CALCR: variants seen among roughly 807,000 people sequenced by gnomAD.
CALCR encodes the protein calcitonin receptor.
CALCR carries 47 observed loss-of-function variants against 59.5 expected under a neutral mutation model. That is an observed-to-expected ratio of 0.79 (90% CI 0.63 to 1.01). The LOEUF (loss-of-function observed/expected upper bound fraction) is 1.01, where lower values mean the gene tolerates loss of function less well. Ranked by LOEUF, CALCR falls within the 50% of genes least tolerant of loss-of-function variation. CALCR has a pLI of 0.00. For synonymous variants in CALCR, 213 were observed against 211.3 expected (o/e 1.01, Z -0.07); for missense variants, 566 against 597.1 (o/e 0.95, Z 0.54).
At chr7:93,460,597 A>ATATATATG (rs1554397850) in intron 8 of CALCR, among the ~76,000 whole-genome samples, 2 of 133,762 alleles carry the variant, frequency 1.5e-5, no homozygotes, top group African/African-American at 6.0e-5. Flanking sequence ...ATATATGTAT[A>ATATATATG]TATATATATA....
At position 93,460,554 on chromosome 7, in the gene CALCR, TAAA is replaced by T. The variant is rs71537257; in HGVS notation, c.648+264_648+266del. 2.4e-3 allele frequency among the ~76,000 whole-genome samples: 193 copies of T among 79,216 alleles called. 1 individual carries two copies. Among genetic ancestry groups the T allele is most frequent in the African/African-American group, 6.8e-3 (85 of 12,466 alleles). 52.0% of individuals were successfully genotyped at this position (79,216 alleles called of 152,430 possible). ...CTGGGCAACAGAGTGAGACTCTATC[TAAA>T]AAAAAAAAAAAAAAAATATATATAT... On this transcript the variant is annotated intron_variant, in intron 8 of 13. Transcript: ENST00000426151.
At chr7:93,506,354 G>T (rs1174369814) in intron 2 of CALCR, among the ~76,000 whole-genome samples, 1 of 152,078 alleles carries the variant, frequency 6.6e-6, no homozygotes, top group Non-Finnish European at 1.5e-5. Flanking sequence ...CCAATTTCAT[G>T]GTTTCTCATC....
At position 93,507,932 on chromosome 7, in the gene CALCR, G is replaced by GA. The variant is rs879314285; in HGVS notation, c.-26-20926dup. ...AGTGAGACTCCATCTCAAAAAAAAA[G>GA]AAAAAAAAAAGAAAAAATTGTTCAC... On this transcript the variant is annotated intron_variant, in intron 2 of 13. Transcript: ENST00000426151. 4.0e-3 allele frequency among the ~76,000 whole-genome samples: 557 copies of GA among 140,190 alleles called. 2 individuals are homozygous for GA. Among genetic ancestry groups the GA allele is most frequent in the Middle Eastern group, 7.0e-3 (2 of 284 alleles). The allele number at this position is 140,190 out of a possible 152,430, so 92.0% of individuals were successfully genotyped here.
intron 4 of CALCR, 129 bp downstream of exon 4, chr7:93,479,225 C>A: frequency 1.1e-6 from 1 of 909,566 alleles, no homozygotes; most frequent in Non-Finnish European, 1.7e-6. Context: ...ACAAACATAC[C>A]ATAGTGTGAA....
At position 93,560,997 on chromosome 7, in the gene CALCR, A is replaced by T. The variant is rs1789733923; in HGVS notation, c.-27+13292T>A. ...GCTATATGCCTTGTGCCATGACCAA[A>T]TTTTTTCCTACATTATTTACAATCC... is the stretch of plus-strand genomic sequence containing the variant. On this transcript the variant is annotated intron_variant, in intron 2 of 13. Coordinates refer to ENST00000426151, the MANE Select transcript of CALCR (RefSeq NM_001742.4). Among the ~76,000 whole-genome samples the T allele has an allele frequency of 2.0e-5, 3 of 152,120 alleles. No individual in the cohort carries two copies. The South Asian group carries it at 6.2e-4, about 32-fold the overall frequency.
chr7:93,428,847 C>T (rs1044936170), intron 13 of CALCR, among the ~76,000 whole-genome samples: 1 of 150,502 alleles, frequency 6.6e-6, no homozygotes, highest in African/African-American at 2.4e-5. Context: ...TCTTAAATAC[C>T]AAGATTATCC....
chr7:93,567,392 A>G (rs1337811587), intron 2 of CALCR, among the ~76,000 whole-genome samples: 1 of 152,042 alleles, frequency 6.6e-6, no homozygotes, highest in East Asian at 1.9e-4. Flanking sequence ...CAAAGAAATA[A>G]TGATGACCCT....
At chr7:93,502,648 G>A (rs1584588877) in intron 2 of CALCR, among the ~76,000 whole-genome samples, 1 of 151,962 alleles carries the variant, frequency 6.6e-6, no homozygotes, top group African/African-American at 2.4e-5. Flanking sequence ...AGATTTGATT[G>A]TAGAAATGTC....
intron 2 of CALCR, among the ~76,000 whole-genome samples, chr7:93,489,629 TG>T (rs1160777543): frequency 4.6e-5 from 7 of 151,944 alleles, no homozygotes; most frequent in African/African-American, 1.2e-4. Context: ...CAGAGAATAC[TG>T]TAAACACCTC....
intron 13 of CALCR, among the ~76,000 whole-genome samples, chr7:93,432,564 A>G (rs565880849): frequency 6.6e-6 from 1 of 152,356 alleles, no homozygotes; most frequent in Non-Finnish European, 1.5e-5. Flanking sequence ...CTTCAAAATC[A>G]GAGATAACAT....
chr7:93,540,869 T>C (rs1322976737), intron 2 of CALCR, among the ~76,000 whole-genome samples: 1 of 151,356 alleles, frequency 6.6e-6, no homozygotes, highest in Non-Finnish European at 1.5e-5. Flanking sequence ...CATTTCTCTG[T>C]AAATCAACTT....
intron 7 of CALCR, 90 bp from the exon 8 acceptor site, chr7:93,461,037 C>T: frequency 8.9e-7 from 1 of 1,117,554 alleles, no homozygotes; most frequent in South Asian, 1.5e-5. Context: ...TTCATATTTT[C>T]TTTAAAAAAA....
At chr7:93,496,028 T>C (rs1801194720) in intron 2 of CALCR, 1 of 967,364 alleles carries the variant, frequency 1.0e-6, no homozygotes, top group Non-Finnish European at 1.5e-6. Flanking sequence ...TTGAACAGAA[T>C]GTCTTCATGT....
rs549215648 is a variant in CALCR at position 93,440,795 on chromosome 7, G to A, written c.803-2525C>T. Among the ~76,000 whole-genome samples the A allele has an allele frequency of 9.9e-5, 15 of 152,124 alleles. No individual in the cohort carries two copies. In the South Asian group the frequency reaches 2.9e-3, roughly 30 times the overall value. ...TTACCTATAGGCACAATGTTGTACA[G>A]CAGATACCTAAAATTTACTCATCTT... On this transcript the variant is annotated intron_variant, in intron 9 of 13. Coordinates refer to ENST00000426151, the MANE Select transcript of CALCR (RefSeq NM_001742.4).
intron 2 of CALCR, among the ~76,000 whole-genome samples, chr7:93,493,731 G>C (rs1159849664): frequency 1.3e-5 from 2 of 151,424 alleles, no homozygotes; most frequent in Non-Finnish European, 3.0e-5. Context: ...AAGAGAAATA[G>C]AGAAAAATTA....
At chr7:93,525,159 T>G (rs1425711574) in intron 2 of CALCR, among the ~76,000 whole-genome samples, 2 of 152,202 alleles carry the variant, frequency 1.3e-5, no homozygotes. Flanking sequence ...ATAGTTTCTT[T>G]TTCATAATAA....
chr7:93,545,888 A>G (rs1045155875), intron 2 of CALCR, among the ~76,000 whole-genome samples: 3 of 152,114 alleles, frequency 2.0e-5, no homozygotes, highest in Admixed American at 6.6e-5. Flanking sequence ...TTCTCTAGCA[A>G]CTAAGCCTAA....
chr7:93,572,534 G>T lies in CALCR; in HGVS notation c.-27+1755C>A, dbSNP rs552653043. ...TAGATTATCATTGAAACCATTACCG[G>T]TCTCCTATTTCCATTTCACTAGGAC... On this transcript the variant is annotated intron_variant, in intron 2 of 13. Coordinates refer to ENST00000426151, the MANE Select transcript of CALCR (RefSeq NM_001742.4). Among the ~76,000 whole-genome samples, 3 of 152,150 alleles carry T rather than the reference G, an allele frequency of 2.0e-5. No homozygotes were observed. In the East Asian group the frequency reaches 5.8e-4, roughly 29 times the overall value.
At chr7:93,484,613 G>A in intron 3 of CALCR, among the ~76,000 whole-genome samples, 1 of 151,770 alleles carries the variant, frequency 6.6e-6, no homozygotes, top group East Asian at 1.9e-4. Flanking sequence ...GTTAGCCCTG[G>A]TTTTCCCAGG....
Sources: allele counts gnomAD v4.1 joint callset (sites outside exome capture counted in the v4.1 genomes callset), GRCh38; gene constraint gnomAD v4.1.1; transcripts MANE v1.5; gene names NCBI Gene and HGNC (gene_info 2026-07-23, HGNC 2026-07-21).